TRPC5: variants seen among roughly 807,000 people sequenced by gnomAD.
TRPC5 encodes the protein short transient receptor potential channel 5.
TRPC5 carries 9 observed loss-of-function variants against 56.5 expected under a neutral mutation model. The observed-to-expected ratio is 0.16, with a 90% CI of 0.10 to 0.28. The LOEUF is 0.28. TRPC5 is among the 10% of genes least tolerant of loss of function. The pLI is 1.00. For missense variants in TRPC5, 469 were observed against 748.9 expected (o/e 0.63, Z 4.36); for synonymous variants, 282 against 278.5 (o/e 1.01, Z -0.13).
intron 1 of TRPC5, among the ~76,000 whole-genome samples, chrX:112,009,104 C>T (rs1002150352): frequency 7.1e-5 from 8 of 111,905 alleles, no homozygotes; most frequent in African/African-American, 2.6e-4. Context: ...TTGACACAGC[C>T]AAGAAGAGGA....
chrX:111,814,797 G>A (rs1363168420), intron 7 of TRPC5, among the ~76,000 whole-genome samples: 2 of 110,524 alleles, frequency 1.8e-5, no homozygotes, highest in African/African-American at 3.3e-5. Context: ...AGGACTTGGC[G>A]TGTGTTACTT....
intron 7 of TRPC5, among the ~76,000 whole-genome samples, chrX:111,792,443 G>A (rs1206974273): frequency 1.8e-5 from 2 of 111,417 alleles, no homozygotes; most frequent in Non-Finnish European, 3.8e-5. Context: ...TGCACATTCT[G>A]TGCATGTATA....
chrX:112,033,584 T>C (rs1398026172), intron 1 of TRPC5, among the ~76,000 whole-genome samples: 1 of 110,731 alleles, frequency 9.0e-6, no homozygotes, highest in East Asian at 2.8e-4. Flanking sequence ...ATGCTTTAGG[T>C]ATTCATATCT....
chrX:111,979,163 T>C (rs777663618), intron 1 of TRPC5, among the ~76,000 whole-genome samples: 27 of 111,456 alleles, frequency 2.4e-4, no homozygotes, highest in African/African-American at 7.8e-4. Flanking sequence ...AGTCCAGTAG[T>C]ATGCCTACAC....
rs1487864998 is a variant in TRPC5, at chrX:112,070,289, G to T, written c.-22+11590C>A. Among the ~76,000 whole-genome samples, 3 of 111,802 alleles carry T rather than the reference G, an allele frequency of 2.7e-5. No individual in the cohort carries two copies. The Admixed American group carries it at 2.8e-4, about 11-fold the overall frequency. On this transcript the variant is annotated intron_variant, in intron 1 of 10. Coordinates refer to ENST00000262839, the MANE Select transcript of TRPC5 (RefSeq NM_012471.3). ...TCTAGTTTCTGGATTTCTTCTTTCA[G>T]GTTTTTCAGCACTTCTAGAGTAATT...
intron 7 of TRPC5, among the ~76,000 whole-genome samples, chrX:111,826,476 A>C (rs186179025): frequency 1.9e-4 from 21 of 112,564 alleles, no homozygotes; most frequent in African/African-American, 5.8e-4. Flanking sequence ...ACCCTTGATC[A>C]GATTCCAGAC....
chrX:111,956,242 A>T (rs145105294), intron 1 of TRPC5, among the ~76,000 whole-genome samples: 11 of 112,332 alleles, frequency 9.8e-5, no homozygotes, highest in African/African-American at 3.5e-4. Context: ...GTGCCTTCAG[A>T]GTGTCGTGGT....
chrX:111,957,119 C>A (rs138802942), intron 1 of TRPC5, among the ~76,000 whole-genome samples: 118 of 112,186 alleles, frequency 1.1e-3, no homozygotes, highest in African/African-American at 3.5e-3. Flanking sequence ...TACTGGTCTG[C>A]TTCTAGTTAT....
intron 3 of TRPC5, among the ~76,000 whole-genome samples, chrX:111,894,323 C>T (rs757122541): frequency 2.2e-4 from 25 of 111,572 alleles, no homozygotes; most frequent in African/African-American, 7.2e-4. Flanking sequence ...GCAAAATTGC[C>T]AGGTAGGACT....
chrX:111,846,255 T>G (rs867184017), intron 6 of TRPC5, among the ~76,000 whole-genome samples: 1 of 111,525 alleles, frequency 9.0e-6, no homozygotes, highest in East Asian at 2.8e-4. Flanking sequence ...GAATATCCAG[T>G]GATGAGTTGC....
chrX:111,989,400 C>T (rs1187141711), intron 1 of TRPC5, among the ~76,000 whole-genome samples: 1 of 111,162 alleles, frequency 9.0e-6, no homozygotes, highest in African/African-American at 3.3e-5. Flanking sequence ...AGGAGTGACC[C>T]CTGAAGATCT....
At chrX:111,790,119 T>C (rs1405794739) in intron 7 of TRPC5, among the ~76,000 whole-genome samples, 3 of 112,163 alleles carry the variant, frequency 2.7e-5, no homozygotes, top group South Asian at 3.7e-4. Flanking sequence ...GGTATGTTTA[T>C]TGTGGCACTA....
intron 1 of TRPC5, among the ~76,000 whole-genome samples, chrX:111,966,640 T>G (rs768474350): frequency 2.7e-5 from 3 of 111,948 alleles, no homozygotes; most frequent in Non-Finnish European, 5.6e-5. Context: ...CATGATCAAG[T>G]GGGCTTCATC....
At chrX:112,070,799 T>G (rs1930700221) in intron 1 of TRPC5, among the ~76,000 whole-genome samples, 1 of 108,058 alleles carries the variant, frequency 9.3e-6, no homozygotes, top group East Asian at 2.9e-4. Context: ...ACTGTGAAAA[T>G]TTTCAAAAGT....
chrX:111,800,279 A>T (rs991765592), intron 7 of TRPC5, among the ~76,000 whole-genome samples: 3 of 111,709 alleles, frequency 2.7e-5, no homozygotes, highest in Admixed American at 9.5e-5. Context: ...CCACTTAATG[A>T]ATAATAAATA....
intron 1 of TRPC5, among the ~76,000 whole-genome samples, chrX:111,977,219 A>C (rs941774349): frequency 2.7e-5 from 3 of 111,767 alleles, no homozygotes; most frequent in Non-Finnish European, 3.8e-5. Flanking sequence ...TGGAGGCATC[A>C]TATTTCCTGA....
In TRPC5 at chrX:111,769,116, C is replaced by T. The variant is rs749086188; in HGVS notation, c.*7197G>A. 9.0e-5 allele frequency among the ~76,000 whole-genome samples: 10 copies of T among 111,265 alleles called. No individual in the cohort carries two copies. The highest frequency in any genetic ancestry group is 1.7e-4 in the Non-Finnish European group (9 of 52,963). ...AGTTTCTTTCCATTGCTTCTGCCACCGTGGGTTCTTATGAGTCCAAAATCC... is the reference window on the plus strand; with the variant it reads ...AGTTTCTTTCCATTGCTTCTGCCACTGTGGGTTCTTATGAGTCCAAAATCC... On this transcript the variant is annotated 3_prime_UTR_variant, in exon 11 of 11. Transcript: ENST00000262839.
intron 7 of TRPC5, among the ~76,000 whole-genome samples, chrX:111,810,873 T>A (rs1361773101): frequency 8.9e-6 from 1 of 112,217 alleles, no homozygotes; most frequent in African/African-American, 3.2e-5. Flanking sequence ...TTCAGAAGAA[T>A]GGTTTTAACA....
intron 2 of TRPC5, among the ~76,000 whole-genome samples, chrX:111,948,435 G>A (rs1002171633): frequency 3.6e-5 from 4 of 111,596 alleles, no homozygotes; most frequent in Non-Finnish European, 7.5e-5. Flanking sequence ...TGAGTGCTTA[G>A]AAAAATGGAA....
Sources: gnomAD v4.1 joint callset for allele counts (sites outside exome capture counted in the v4.1 genomes callset) on GRCh38, gnomAD v4.1.1 for gene constraint, MANE v1.5 for transcripts, NCBI Gene and HGNC (gene_info 2026-07-23, HGNC 2026-07-21) for gene names.